The following PAXBP1 variants were observed in gnomAD, a reference collection of about 807,000 sequenced individuals.
PAXBP1 encodes the protein PAX3- and PAX7-binding protein 1.
PAXBP1 carries 44 observed loss-of-function variants against 119.9 expected under a neutral mutation model. The observed-to-expected ratio is 0.37, with a 90% CI of 0.29 to 0.47. PAXBP1 has a LOEUF of 0.47. Ranked by LOEUF, PAXBP1 falls within the 20% of genes least tolerant of loss-of-function variation. PAXBP1 has a pLI of 0.99. For synonymous variants in PAXBP1, 393 were observed against 406.6 expected (o/e 0.97, Z 0.40); for missense variants, 898 against 1,134.1 (o/e 0.79, Z 2.99).
At chr21:32,762,070 C>G (rs1184273293) in intron 4 of PAXBP1, 26 bp downstream of exon 4, 1 of 1,612,812 alleles carries the variant, frequency 6.2e-7, no homozygotes, top group Admixed American at 1.7e-5. Context: ...ATGCAATAGG[C>G]TTACTATTCA....
At chr21:32,749,351 T>C (rs1483703045) in intron 10 of PAXBP1, among the ~76,000 whole-genome samples, 1 of 152,014 alleles carries the variant, frequency 6.6e-6, no homozygotes, top group Non-Finnish European at 1.5e-5. Flanking sequence ...TGCGCCACCA[T>C]GCCCAACTAA....
At chr21:32,762,739 T>C (rs957820869) in intron 3 of PAXBP1, among the ~76,000 whole-genome samples, 1 of 151,454 alleles carries the variant, frequency 6.6e-6, no homozygotes, top group South Asian at 2.1e-4. Context: ...GCCAACATGG[T>C]GAAACCCCAT....
chr21:32,756,918 A>G (rs1482295898), intron 7 of PAXBP1: 2 of 152,304 alleles, frequency 1.3e-5, no homozygotes, highest in Non-Finnish European at 2.9e-5. Flanking sequence ...ACAGACTGTG[A>G]GCTCTCATTC....
chr21:32,737,439 G>C (rs753881379), intron 16 of PAXBP1, 31 bp from the exon 17 acceptor site: 1 of 1,562,512 alleles, frequency 6.4e-7, no homozygotes, highest in African/African-American at 1.4e-5. Context: ...AAATAAAATA[G>C]TTAAGACAGA....
At chr21:32,760,963 G>T in intron 5 of PAXBP1, 96 bp downstream of exon 5, 1 of 868,124 alleles carries the variant, frequency 1.2e-6, no homozygotes, top group East Asian at 2.5e-5. Context: ...TACTTGAAAT[G>T]AATGACAAAG....
chr21:32,736,469 G>A (rs918956598), intron 17 of PAXBP1, among the ~76,000 whole-genome samples: 5 of 152,168 alleles, frequency 3.3e-5, no homozygotes, highest in Non-Finnish European at 7.4e-5. Flanking sequence ...TTACAGGCAT[G>A]AGCCACCATG....
intron 3 of PAXBP1, among the ~76,000 whole-genome samples, chr21:32,763,838 C>T (rs971814574): frequency 6.6e-6 from 1 of 151,800 alleles, no homozygotes; most frequent in Non-Finnish European, 1.5e-5. Context: ...ATACAAAAAT[C>T]AGCTGGGTAT....
In PAXBP1 at chr21:32,771,663, G is replaced by A; in HGVS notation, c.6C>T (p.Phe2=). M[F]RKARRVNVRK... is the part of the protein sequence containing the mutation. ...GCACGTTCACCCGCCGGGCCTTTCG[G>A]AACATCCCCGCGGCCCGCACGGCGG... The change falls in exon 1 of 18, where the codon TTC becomes TTT. Residue 2 remains phenylalanine (F), a synonymous_variant. Transcript: ENST00000331923. 2 of 1,417,752 alleles carry A rather than the reference G, an allele frequency of 1.4e-6. No homozygotes were observed. Among genetic ancestry groups the A allele is most frequent in the Non-Finnish European group, 1.8e-6 (2 of 1,089,998 alleles). The allele number at this position is 1,417,752 out of a possible 1,614,324, so 87.8% of individuals were successfully genotyped here.
At chr21:32,767,116 C>T (rs917080053) in intron 2 of PAXBP1, among the ~76,000 whole-genome samples, 2 of 152,198 alleles carry the variant, frequency 1.3e-5, no homozygotes. Context: ...CCCAAATCTA[C>T]ATCTCTAGGT....
intron 7 of PAXBP1, 102 bp from the exon 8 acceptor site, chr21:32,755,455 T>C: frequency 1.4e-6 from 2 of 1,458,090 alleles, no homozygotes; most frequent in Non-Finnish European, 1.8e-6. Flanking sequence ...ACCCTCTCTA[T>C]GGACAGAATA....
chr21:32,761,024 T>C, intron 5 of PAXBP1, 35 bp downstream of exon 5: 1 of 1,534,862 alleles, frequency 6.5e-7, no homozygotes, highest in Non-Finnish European at 8.8e-7. Context: ...CTTTTTAATC[T>C]ACTTTTAATT....
chr21:32,756,760 GA>G (rs2044050429), intron 7 of PAXBP1: 1 of 167,306 alleles, frequency 6.0e-6, no homozygotes, highest in Non-Finnish European at 1.3e-5. Context: ...TGTACTGTAG[GA>G]ACTACCCACC....
In PAXBP1 at chr21:32,771,680, G is replaced by C; in HGVS notation, c.-12C>G. The C allele has an allele frequency of 7.2e-7, 1 of 1,391,350 alleles. No individual in the cohort carries two copies. Among genetic ancestry groups the C allele is most frequent in the African/African-American group, 1.5e-5 (1 of 66,032 alleles). The allele number at this position is 1,391,350 out of a possible 1,614,324, so 86.2% of individuals were successfully genotyped here. Reference sequence around the variant, plus strand: ...GCCTTTCGGAACATCCCCGCGGCCCGCACGGCGGTCGAATACTCGCTTCCA... The same window carrying C: ...GCCTTTCGGAACATCCCCGCGGCCCCCACGGCGGTCGAATACTCGCTTCCA... On this transcript the variant is annotated 5_prime_UTR_variant, in exon 1 of 18. Transcript: ENST00000331923.
At chr21:32,760,898 C>CGTGTGTGTGTGTGT (rs759882630) in intron 5 of PAXBP1, among the ~76,000 whole-genome samples, 161 bp downstream of exon 5, 6 of 121,510 alleles carry the variant, frequency 4.9e-5, no homozygotes, top group African/African-American at 1.5e-4. Flanking sequence ...TGTGTGCGTG[C>CGTGTGTGTGTGTGT]GTGCGTGTGT....
intron 17 of PAXBP1, 77 bp downstream of exon 17, chr21:32,737,177 C>A: frequency 8.9e-7 from 1 of 1,122,900 alleles, no homozygotes; most frequent in Non-Finnish European, 1.2e-6. Context: ...ATATAAACAT[C>A]TCTACTTAAA....
In PAXBP1 at chr21:32,760,008, G is replaced by A. The variant is rs1157079768; in HGVS notation, c.976-14C>T. 3 of 1,590,142 alleles carry A rather than the reference G, an allele frequency of 1.9e-6. No homozygotes were observed. Among genetic ancestry groups the A allele is most frequent in the Non-Finnish European group, 2.6e-6 (3 of 1,161,658 alleles). On this transcript the variant is annotated splice_polypyrimidine_tract_variant and intron_variant, in intron 5 of 17. Transcript: ENST00000331923. ...ACTGGCTTGAACCTAGAAAAGAAAT[G>A]GGATATAGATGAAATCTGGTAGTTA...
At chr21:32,746,465 A>G (rs762293280) in intron 11 of PAXBP1, among the ~76,000 whole-genome samples, 39 of 152,236 alleles carry the variant, frequency 2.6e-4, no homozygotes, top group Admixed American at 1.9e-3. Flanking sequence ...ATACTTCTCA[A>G]AAGAAGACAT....
intron 8 of PAXBP1, 103 bp downstream of exon 8, chr21:32,755,127 T>TA (rs5843565): frequency 3.3e-4 from 330 of 985,200 alleles, no homozygotes; most frequent in Middle Eastern, 6.9e-4. Context: ...ATTGTTTCTT[T>TA]AAAAAAAAAA....
chr21:32,756,324 G>A (rs1401101572), intron 7 of PAXBP1: 2 of 532,332 alleles, frequency 3.8e-6, no homozygotes, highest in East Asian at 1.1e-4. Context: ...TAGAGTTTGG[G>A]AACACTGGCA....
Sources: gnomAD v4.1 joint callset for allele counts (sites outside exome capture counted in the v4.1 genomes callset) on GRCh38, gnomAD v4.1.1 for gene constraint, MANE v1.5 for transcripts, NCBI Gene and HGNC (gene_info 2026-07-23, HGNC 2026-07-21) for gene names.